KPLCE: variants seen among roughly 807,000 people sequenced by gnomAD.
KPLCE encodes protein KPLCE.
the KPLCE span, chr1:152,720,201 G>A: frequency 6.4e-7 from 1 of 1,551,704 alleles, no homozygotes; most frequent in Non-Finnish European, 8.7e-7. Flanking sequence ...TCTGGGTGCT[G>A]CTGTTTGGGA....
chr1:152,719,705 T>C, the KPLCE span: 6 of 1,552,130 alleles, frequency 3.9e-6, no homozygotes, highest in South Asian at 1.2e-5. Flanking sequence ...CCAAGTTCCA[T>C]GCCAGACTCA....
the KPLCE span, chr1:152,719,982 C>T: frequency 6.4e-7 from 1 of 1,551,854 alleles, no homozygotes; most frequent in Non-Finnish European, 8.7e-7. Flanking sequence ...GGCTCAACCT[C>T]CCAGTACTGT....
the KPLCE span, chr1:152,720,225 G>A: frequency 1.9e-6 from 3 of 1,551,530 alleles, no homozygotes; most frequent in East Asian, 4.9e-5. Flanking sequence ...ATCCCCATGA[G>A]GTCCCGAGGT....
the KPLCE span, chr1:152,719,624 G>A: frequency 6.4e-7 from 1 of 1,552,022 alleles, no homozygotes; most frequent in South Asian, 1.2e-5. Context: ...GAAATGCCCA[G>A]TTCCATGCCA....
the KPLCE span, chr1:152,719,541 A>T: frequency 1.9e-6 from 3 of 1,551,444 alleles, no homozygotes; most frequent in Admixed American, 5.9e-5. Context: ...CAGCAGAAGC[A>T]GCCACAGTTC....
chr1:152,720,211 A>T, the KPLCE span: 1 of 1,551,566 alleles, frequency 6.4e-7, no homozygotes, highest in Non-Finnish European at 8.7e-7. Flanking sequence ...GCTGTTTGGG[A>T]ATTATCCCCA....
the KPLCE span, chr1:152,719,693 T>C: frequency 1.9e-6 from 3 of 1,552,196 alleles, no homozygotes; most frequent in Admixed American, 2.0e-5. Flanking sequence ...TTATGTGAAG[T>C]ACCAAGTTCC....
chr1:152,719,682 C>T, the KPLCE span: 2 of 1,552,118 alleles, frequency 1.3e-6, no homozygotes, highest in Non-Finnish European at 1.7e-6. Flanking sequence ...CCTACTCAAA[C>T]TTATGTGAAG....
chr1:152,720,294 C>T, the KPLCE span: 2 of 1,517,700 alleles, frequency 1.3e-6, no homozygotes, highest in Non-Finnish European at 8.9e-7. Flanking sequence ...AGCTCAACTC[C>T]AGAATGCACT....
chr1:152,719,585 G>A, the KPLCE span: 1 of 1,551,656 alleles, frequency 6.4e-7, no homozygotes, highest in African/African-American at 1.4e-5. Flanking sequence ...GGGACTAGGG[G>A]CTGGGCAGGG....
the KPLCE span, chr1:152,719,905 G>C: frequency 6.4e-7 from 1 of 1,552,120 alleles, no homozygotes; most frequent in Non-Finnish European, 8.7e-7. Context: ...CTCCCTGCCA[G>C]ACCCAGACGT....
At chr1:152,720,329 G>T in the KPLCE span, 4 of 1,385,512 alleles carry the variant, frequency 2.9e-6, no homozygotes, top group Non-Finnish European at 3.9e-6. Flanking sequence ...TCTGGAACAT[G>T]CACCAGCTTC....
chr1:152,720,175 C>T, the KPLCE span: 2 of 1,551,728 alleles, frequency 1.3e-6, no homozygotes, highest in Admixed American at 2.0e-5. Flanking sequence ...GTGGCTGCAG[C>T]TGTGGATGTG....
the KPLCE span, chr1:152,720,380 C>A: frequency 2.1e-6 from 2 of 968,168 alleles, no homozygotes; most frequent in Non-Finnish European, 3.0e-6. Flanking sequence ...AGAACCTCAT[C>A]ACTTTGCCTC....
chr1:152,719,771 C>A, the KPLCE span: 1 of 1,552,032 alleles, frequency 6.4e-7, no homozygotes, highest in Non-Finnish European at 8.7e-7. Context: ...ATACCCAACA[C>A]CCTGCCAAAC....
At chr1:152,719,875 G>A in the KPLCE span, 1 of 1,552,084 alleles carries the variant, frequency 6.4e-7, no homozygotes. Context: ...CCTGCCAGAT[G>A]ACCTACATCA....
the KPLCE span, chr1:152,720,348 T>A: frequency 8.3e-7 from 1 of 1,205,094 alleles, no homozygotes; most frequent in Non-Finnish European, 1.2e-6. Context: ...TCTGGCCCCC[T>A]CTCTGTTAGT....
chr1:152,720,240 C>A, the KPLCE span: 6 of 1,550,332 alleles, frequency 3.9e-6, no homozygotes, highest in Non-Finnish European at 5.2e-6. Context: ...CGAGGTCCTG[C>A]ATGCTGTGAC....
the KPLCE span, chr1:152,719,793 G>A: frequency 6.4e-7 from 1 of 1,551,292 alleles, no homozygotes; most frequent in Non-Finnish European, 8.7e-7. Context: ...TATGTGAAGT[G>A]CCCAGCTCCC....
Sources: allele counts gnomAD v4.1 joint callset, GRCh38; gene constraint gnomAD v4.1.1; transcripts MANE v1.5; gene names NCBI Gene and HGNC (gene_info 2026-07-23, HGNC 2026-07-21).